Variants in GOLGB1 observed in about 807,000 individuals in gnomAD.
GOLGB1 encodes the protein golgin subfamily B member 1.
Under a neutral mutation model 336.9 loss-of-function variants are expected in GOLGB1, and 174 were observed. The observed-to-expected ratio is 0.52, with a 90% CI of 0.46 to 0.59. GOLGB1 has a LOEUF of 0.59. GOLGB1 is among the 20% of genes least tolerant of loss of function. The pLI is 0.00. For synonymous variants in GOLGB1, 1,208 were observed against 1,289.2 expected (o/e 0.94, Z 1.35); for missense variants, 3,331 against 3,645.3 (o/e 0.91, Z 2.22).
intron 4 of GOLGB1, among the ~76,000 whole-genome samples, chr3:121,727,289 CACACAT>C (rs1163253451): frequency 6.8e-5 from 3 of 44,374 alleles, no homozygotes; most frequent in African/African-American, 1.7e-4. Context: ...CATACACACA[CACACAT>C]ATATATATAT....
chr3:121,734,864 C>G (rs1255023042), intron 1 of GOLGB1, among the ~76,000 whole-genome samples: 1 of 152,160 alleles, frequency 6.6e-6, no homozygotes, highest in Non-Finnish European at 1.5e-5. Flanking sequence ...AGTAGGTTTA[C>G]TCATAATCAC....
chr3:121,704,936 T>C (rs1943692270), intron 10 of GOLGB1, among the ~76,000 whole-genome samples: 1 of 152,072 alleles, frequency 6.6e-6, no homozygotes, highest in African/African-American at 2.4e-5. Context: ...ACTATAATAT[T>C]ATAGGTTGTT....
At chr3:121,743,223 C>T (rs533212920) in intron 1 of GOLGB1, among the ~76,000 whole-genome samples, 10 of 152,312 alleles carry the variant, frequency 6.6e-5, no homozygotes, top group Admixed American at 2.0e-4. Context: ...TCCAAATGTC[C>T]ATCAATGACA....
Position 121,698,611 on chromosome 3 carries a change from G to A in GOLGB1, c.1912C>T (p.Pro638Ser), listed in dbSNP as rs566826747. 5.6e-6 allele frequency: 9 copies of A among 1,613,658 alleles called. No individual in the cohort carries two copies. The South Asian group carries it at 9.9e-5, about 18-fold the overall frequency. ...PLMPNEESSL[P>S]AVEKEQASTE... ...CTCGCCTGTTCTTTTTCAACTGCTG[G>A]AAGACTGCTCTCTTCATTTGGCATT... Residue 638 changes from proline to serine, a missense_variant, in exon 13 of 22, where the codon CCA (proline) becomes TCA (serine). Transcript: ENST00000614479.
chr3:121,681,339 G>T (rs1185873006), intron 15 of GOLGB1, among the ~76,000 whole-genome samples: 1 of 152,210 alleles, frequency 6.6e-6, no homozygotes, highest in Non-Finnish European at 1.5e-5. Flanking sequence ...GGAGGAATGT[G>T]ACTATAAACT....
chr3:121,677,599 G>A, intron 15 of GOLGB1, 149 bp from the exon 16 acceptor site: 1 of 597,754 alleles, frequency 1.7e-6, no homozygotes, highest in East Asian at 3.1e-5. Flanking sequence ...GGTGGAAAGA[G>A]AGAAAATGTG....
At chr3:121,669,512 A>G (rs945958359) in intron 17 of GOLGB1, among the ~76,000 whole-genome samples, 157 bp from the exon 18 acceptor site, 1 of 2,092 alleles carries the variant, frequency 4.8e-4, no homozygotes, top group African/African-American at 9.0e-4. Context: ...TGGAAAAAGC[A>G]TAATTTTTTT....
Position 121,694,357 on chromosome 3 carries a change from C to G in GOLGB1, c.6166G>C (p.Glu2056Gln), listed in dbSNP as rs140262542. 2.7e-5 allele frequency: 44 copies of G among 1,612,830 alleles called. No individual in the cohort carries two copies. In the African/African-American group the frequency reaches 5.1e-4, roughly 19 times the overall value. ...TVKALEFVQTESQKDLEITKE... is the reference protein window; with the variant it reads ...TVKALEFVQTQSQKDLEITKE... ...GTTATTTCCAAATCTTTTTGAGATT[C>G]AGTTTGAACAAATTCTAGAGCTTTA... The change falls in exon 13 of 22, where the codon GAA (glutamate) becomes CAA (glutamine). Residue 2056 changes from glutamate (E) to glutamine (Q), a missense_variant. Coordinates refer to ENST00000614479, the MANE Select transcript of GOLGB1 (RefSeq NM_001366282.2).
intron 17 of GOLGB1, among the ~76,000 whole-genome samples, chr3:121,675,267 T>C (rs1048082373): frequency 1.3e-5 from 2 of 152,348 alleles, no homozygotes; most frequent in Middle Eastern, 6.8e-3. Flanking sequence ...AAAACACAAC[T>C]TTATGACTTA....
At chr3:121,688,078 C>T (rs990370063) in intron 14 of GOLGB1, among the ~76,000 whole-genome samples, 4 of 152,114 alleles carry the variant, frequency 2.6e-5, no homozygotes, top group African/African-American at 7.2e-5. Context: ...CAATTACCTA[C>T]AATAAAAAGG....
chr3:121,675,080 C>T (rs1940171893), intron 17 of GOLGB1, among the ~76,000 whole-genome samples: 1 of 151,676 alleles, frequency 6.6e-6, no homozygotes, highest in Admixed American at 6.6e-5. Flanking sequence ...TCATGATCCA[C>T]CCGCCTCGGC....
At chr3:121,705,104 T>A (rs1008522500) in intron 10 of GOLGB1, among the ~76,000 whole-genome samples, 1 of 152,190 alleles carries the variant, frequency 6.6e-6, no homozygotes, top group South Asian at 2.1e-4. Context: ...ATTAAAATTG[T>A]GTGCTGAGGC....
chr3:121,705,449 A>T (rs1943733520), intron 10 of GOLGB1, among the ~76,000 whole-genome samples: 1 of 152,224 alleles, frequency 6.6e-6, no homozygotes, highest in South Asian at 2.1e-4. Context: ...GCAACAAAGG[A>T]TAATTATCTC....
chr3:121,696,046 C>T lies in GOLGB1; in HGVS notation c.4477G>A (p.Ala1493Thr), dbSNP rs1033749244. ...AGTGCTTCTTTTCGGGAAATAAGGG[C>T]AGCTTGCAGTTTCCTTTGTATTTGT... ...KQQIQRKLQA[A>T]LISRKEALKE... The change falls in exon 13 of 22, where the codon GCC (alanine) becomes ACC (threonine). Residue 1493 changes from alanine to threonine, a missense_variant. Ala to Thr is a moderately conservative substitution (Grantham distance 58). Transcript: ENST00000614479. 10 of 1,614,054 alleles carry T rather than the reference C, an allele frequency of 6.2e-6. No homozygotes were observed. The highest frequency in any genetic ancestry group is 8.5e-6 in the Non-Finnish European group (10 of 1,180,004).
At chr3:121,687,550 C>T (rs1941880875) in intron 14 of GOLGB1, among the ~76,000 whole-genome samples, 1 of 152,130 alleles carries the variant, frequency 6.6e-6, no homozygotes, top group Admixed American at 6.5e-5. Flanking sequence ...AGGAGTGATA[C>T]ATCTTGATGG....
At chr3:121,701,556 G>T (rs1576366741) in intron 11 of GOLGB1, among the ~76,000 whole-genome samples, 2 of 152,212 alleles carry the variant, frequency 1.3e-5, no homozygotes, top group East Asian at 3.9e-4. Flanking sequence ...GTCAGTTAAA[G>T]ATGAATTAGA....
Position 121,677,340 on chromosome 3 carries a change from T to A in GOLGB1, c.8984A>T (p.Glu2995Val). 6.2e-7 allele frequency: 1 copy of A among 1,611,604 alleles called. No homozygotes were observed. Among genetic ancestry groups the A allele is most frequent in the Non-Finnish European group, 8.5e-7 (1 of 1,177,702 alleles). ...AGTCTGGGAGGAAGAAGACCTCAAT[T>A]CCCTTATAAGATTCTGCAGATGACT... ...QLSHLQNLIR[E>V]LRSSSSQTQP... Residue 2995 changes from glutamate to valine, a missense_variant, in exon 16 of 22, where the codon GAA (glutamate) becomes GTA (valine). By Grantham distance (121) the Glu-to-Val change is moderately radical. Transcript: ENST00000614479.
intron 1 of GOLGB1, among the ~76,000 whole-genome samples, chr3:121,744,992 G>A: frequency 6.6e-6 from 1 of 152,088 alleles, no homozygotes; most frequent in Non-Finnish European, 1.5e-5. Context: ...AGACTAACAA[G>A]GACCATTCTA....
intron 6 of GOLGB1, among the ~76,000 whole-genome samples, chr3:121,721,586 T>C (rs191165954): frequency 2.5e-4 from 38 of 152,302 alleles, no homozygotes; most frequent in Admixed American, 7.8e-4. Context: ...TGAGCTATGA[T>C]TGTACCACTT....
Sources: gnomAD v4.1 joint callset for allele counts (sites outside exome capture counted in the v4.1 genomes callset) on GRCh38, gnomAD v4.1.1 for gene constraint, MANE v1.5 for transcripts, NCBI Gene and HGNC (gene_info 2026-07-23, HGNC 2026-07-21) for gene names.